Variants in DOCK1 observed in about 807,000 individuals in gnomAD.
DOCK1 encodes dedicator of cytokinesis 1.
Under a neutral mutation model 262.7 loss-of-function variants are expected in DOCK1, and 138 were observed. The observed-to-expected ratio is 0.53, with a 90% confidence interval of 0.46 to 0.61. The LOEUF (loss-of-function observed/expected upper bound fraction) is 0.61, where lower values mean the gene tolerates loss of function less well. Among genes scored for constraint, DOCK1 ranks in the 20% least tolerant of loss-of-function variants. The pLI, the probability that DOCK1 is intolerant of heterozygous loss-of-function variation, is 0.00. For synonymous variants in DOCK1, 866 were observed against 867.4 expected (o/e 1.00, Z 0.03); for missense variants, 1,908 against 2,370.7 (o/e 0.80, Z 4.05).
chr10:126,969,294 C>T (rs989103084), intron 1 of DOCK1, among the ~76,000 whole-genome samples: 2 of 152,198 alleles, frequency 1.3e-5, no homozygotes, highest in African/African-American at 4.8e-5. Context: ...GCTGCCCTAC[C>T]CACTTTAGCT....
chr10:127,209,103 T>C (rs917084443), intron 27 of DOCK1, among the ~76,000 whole-genome samples: 6 of 152,214 alleles, frequency 3.9e-5, no homozygotes, highest in African/African-American at 1.4e-4. Flanking sequence ...CTGGAAACAC[T>C]GAAATTTATT....
chr10:127,313,063 C>T (rs988610904), intron 29 of DOCK1, among the ~76,000 whole-genome samples: 19 of 152,134 alleles, frequency 1.2e-4, no homozygotes, highest in African/African-American at 4.6e-4. Flanking sequence ...TGACCCTCAG[C>T]CATTGCCCGT....
At chr10:127,143,595 C>T (rs1368180704) in intron 27 of DOCK1, among the ~76,000 whole-genome samples, 2 of 152,164 alleles carry the variant, frequency 1.3e-5, no homozygotes, top group Non-Finnish European at 2.9e-5. Context: ...GTAGGACCAG[C>T]CATGTCCCCA....
chr10:127,397,299 G>A (rs1233638027), intron 38 of DOCK1, among the ~76,000 whole-genome samples: 1 of 146,462 alleles, frequency 6.8e-6, no homozygotes, highest in African/African-American at 2.5e-5. Flanking sequence ...GAGTTACACG[G>A]GCGGCAACTC....
rs368123020 is a variant in DOCK1, at chr10:127,023,179, G to A, written c.1328-21G>A. 34 of 1,611,206 alleles carry A rather than the reference G, an allele frequency of 2.1e-5. No homozygotes were observed. The African/African-American group carries it at 3.9e-4, about 18-fold the overall frequency. On this transcript the variant is annotated intron_variant, in intron 13 of 51. Coordinates refer to ENST00000623213, the MANE Select transcript of DOCK1 (RefSeq NM_001290223.2). ...ATTAATAATGGATTGTTTTTTAAAT[G>A]TATGATTTCTCCCCCCTCAGGTGAT...
intron 21 of DOCK1, among the ~76,000 whole-genome samples, chr10:127,047,647 C>G (rs1394703118): frequency 6.6e-6 from 1 of 152,178 alleles, no homozygotes; most frequent in Non-Finnish European, 1.5e-5. Flanking sequence ...TCCCCACAAA[C>G]ATCCCTCTTG....
intron 27 of DOCK1, among the ~76,000 whole-genome samples, chr10:127,141,820 G>C (rs2051287378): frequency 6.6e-6 from 1 of 152,188 alleles, no homozygotes; most frequent in South Asian, 2.1e-4. Context: ...ATAGGGCTCT[G>C]CCTGGAGGCA....
intron 51 of DOCK1, among the ~76,000 whole-genome samples, chr10:127,449,929 T>A (rs1406081821): frequency 6.6e-6 from 1 of 152,174 alleles, no homozygotes; most frequent in Non-Finnish European, 1.5e-5. Context: ...TTTGACATGC[T>A]CATACTTGGC....
chr10:126,948,993 C>G (rs2035911776), intron 1 of DOCK1, among the ~76,000 whole-genome samples: 1 of 152,082 alleles, frequency 6.6e-6, no homozygotes, highest in East Asian at 1.9e-4. Context: ...ACCCCCTGGA[C>G]CCTGTTCCCT....
chr10:127,076,386 T>A (rs763819122), intron 23 of DOCK1, among the ~76,000 whole-genome samples: 221 of 152,172 alleles, frequency 1.5e-3, no homozygotes, highest in Admixed American at 3.7e-3. Flanking sequence ...CTGTAGTCCC[T>A]GCTAATCAGG....
At chr10:127,316,210 G>A (rs918622439) in intron 29 of DOCK1, among the ~76,000 whole-genome samples, 2 of 152,118 alleles carry the variant, frequency 1.3e-5, no homozygotes, top group Non-Finnish European at 2.9e-5. Context: ...TCCAGCATAT[G>A]ATACAATATT....
intron 1 of DOCK1, among the ~76,000 whole-genome samples, chr10:126,946,455 G>A: frequency 6.6e-6 from 1 of 152,164 alleles, no homozygotes; most frequent in East Asian, 1.9e-4. Flanking sequence ...GCTGAGGCAG[G>A]AGAATCGCTT....
intron 27 of DOCK1, among the ~76,000 whole-genome samples, chr10:127,226,019 A>G (rs2058622441): frequency 6.6e-6 from 1 of 151,066 alleles, no homozygotes. Context: ...CAGAGGTTGC[A>G]GTCAGCCAAG....
chr10:126,999,459 G>A, intron 9 of DOCK1, 24 bp downstream of exon 9: 1 of 1,596,502 alleles, frequency 6.3e-7, no homozygotes. Context: ...AAGATGCTTA[G>A]TTGAATTGGC....
At chr10:127,207,339 T>C (rs1030339772) in intron 27 of DOCK1, among the ~76,000 whole-genome samples, 1 of 152,228 alleles carries the variant, frequency 6.6e-6, no homozygotes, top group African/African-American at 2.4e-5. Flanking sequence ...AGGAATCTTA[T>C]GTAGAAAGCT....
At chr10:126,931,444 CG>C (rs2034179668) in intron 1 of DOCK1, among the ~76,000 whole-genome samples, 1 of 151,918 alleles carries the variant, frequency 6.6e-6, no homozygotes, top group African/African-American at 2.4e-5. Flanking sequence ...CTGGTGGCAC[CG>C]GGGGAAGCGA....
intron 23 of DOCK1, among the ~76,000 whole-genome samples, chr10:127,085,166 C>T (rs2047122482): frequency 6.6e-6 from 1 of 152,132 alleles, no homozygotes; most frequent in South Asian, 2.1e-4. Flanking sequence ...TATGTGGCTT[C>T]CTCGATCTTT....
intron 7 of DOCK1, among the ~76,000 whole-genome samples, chr10:126,997,298 C>T (rs1565044928): frequency 1.3e-5 from 2 of 152,058 alleles, no homozygotes; most frequent in African/African-American, 2.4e-5. Flanking sequence ...AGCCTGTTCT[C>T]GCCTTACTAT....
chr10:127,118,354 A>G (rs186870172), intron 25 of DOCK1, among the ~76,000 whole-genome samples: 1 of 152,302 alleles, frequency 6.6e-6, no homozygotes, highest in African/African-American at 2.4e-5. Flanking sequence ...CTACTGATAA[A>G]TGGGACTCAT....
Sources: allele counts gnomAD v4.1 joint callset (sites outside exome capture counted in the v4.1 genomes callset), GRCh38; gene constraint gnomAD v4.1.1; transcripts MANE v1.5; gene names NCBI Gene and HGNC (gene_info 2026-07-23, HGNC 2026-07-21).